GALNT13: variants seen among roughly 807,000 people sequenced by gnomAD.
The protein encoded by GALNT13 is UDP-GalNAc:polypeptide N-acetylgalactosaminyltransferase 13.
In GALNT13, 28 loss-of-function variants were observed where a neutral mutation model predicts 64.2. The observed-to-expected ratio is 0.44, with a 90% CI of 0.32 to 0.60. The LOEUF is 0.60. Ranked by LOEUF, GALNT13 falls within the 20% of genes least tolerant of loss-of-function variation. The probability of loss-of-function intolerance (pLI) is 0.05; values close to 1 mark genes in which losing one functional copy is unlikely to be tolerated. For synonymous variants in GALNT13, 214 were observed against 224.6 expected, an observed-to-expected ratio of 0.95 and a Z score of 0.42; for missense variants, 577 against 669.8, an observed-to-expected ratio of 0.86 and a Z score of 1.53.
At chr2:154,126,621 C>T (rs1444504378) in intron 3 of GALNT13, among the ~76,000 whole-genome samples, 2 of 142,324 alleles carry the variant, frequency 1.4e-5, no homozygotes, top group South Asian at 2.2e-4. Flanking sequence ...GACGACAGAG[C>T]GAGACTCCGT....
intron 4 of GALNT13, among the ~76,000 whole-genome samples, chr2:154,166,686 A>G (rs946678950): frequency 6.6e-6 from 1 of 152,242 alleles, no homozygotes; most frequent in African/African-American, 2.4e-5. Flanking sequence ...ACATATGTTT[A>G]TTGTGGCACT....
At chr2:153,884,228 G>A (rs949992286) in intron 1 of GALNT13, among the ~76,000 whole-genome samples, 3 of 152,040 alleles carry the variant, frequency 2.0e-5, no homozygotes, top group South Asian at 4.2e-4. Flanking sequence ...CTTAGATAAT[G>A]GCTAAACTAC....
chr2:154,185,434 C>G lies in GALNT13; in HGVS notation c.311+44929C>G, dbSNP rs74724461. 5.2e-3 allele frequency among the ~76,000 whole-genome samples: 785 copies of G among 152,008 alleles called. 5 individuals are homozygous for G. The highest frequency in any genetic ancestry group is 0.021 in the Middle Eastern group (6 of 292). ...TTTTGTCATGAATTATTTAAATAAG[C>G]TTTCTACACCTTTCTCTTTCTCTAT... On this transcript the variant is annotated intron_variant, in intron 4 of 12. Coordinates refer to ENST00000392825, the MANE Select transcript of GALNT13 (RefSeq NM_052917.4).
At chr2:153,713,281 T>G in the GALNT13 span, among the ~76,000 whole-genome samples, 2 of 152,212 alleles carry the variant, frequency 1.3e-5, no homozygotes, top group African/African-American at 4.8e-5. Flanking sequence ...CCCTTATTCA[T>G]TTCTCCTGGA....
chr2:153,264,162 A>G, the GALNT13 span, among the ~76,000 whole-genome samples: 2 of 152,230 alleles, frequency 1.3e-5, no homozygotes, highest in African/African-American at 2.4e-5. Flanking sequence ...AAGAAGACAT[A>G]CAAGTGGACA....
intron 2 of GALNT13, among the ~76,000 whole-genome samples, chr2:153,925,030 C>A (rs1393216935): frequency 2.0e-5 from 3 of 152,014 alleles, no homozygotes; most frequent in Non-Finnish European, 4.4e-5. Flanking sequence ...TTGATAATTT[C>A]TTTGCTGTGC....
chr2:153,299,945 CCCGTGGTG>C, the GALNT13 span, among the ~76,000 whole-genome samples: 2 of 152,162 alleles, frequency 1.3e-5, no homozygotes, highest in African/African-American at 4.8e-5. Context: ...CTAACATCAT[CCCGTGGTG>C]CCGAGTACAG....
At chr2:154,420,599 A>G (rs1316126521) in intron 11 of GALNT13, among the ~76,000 whole-genome samples, 1 of 152,128 alleles carries the variant, frequency 6.6e-6, no homozygotes, top group Non-Finnish European at 1.5e-5. Flanking sequence ...ATTTGAATGC[A>G]TGAGTCTACT....
chr2:153,520,612 G>A, the GALNT13 span, among the ~76,000 whole-genome samples: 6 of 152,026 alleles, frequency 3.9e-5, no homozygotes, highest in East Asian at 1.9e-4. Flanking sequence ...CTTAATGCTC[G>A]AAAAATAAAA....
chr2:153,800,647 G>T, the GALNT13 span, among the ~76,000 whole-genome samples: 1 of 152,114 alleles, frequency 6.6e-6, no homozygotes, highest in Non-Finnish European at 1.5e-5. Context: ...TTTCAACGAC[G>T]TTCACAAGCA....
At chr2:154,416,192 A>G (rs1421246072) in intron 11 of GALNT13, among the ~76,000 whole-genome samples, 1 of 152,152 alleles carries the variant, frequency 6.6e-6, no homozygotes. Flanking sequence ...TTGCTATAAT[A>G]AACATACAAT....
At chr2:154,233,530 A>G (rs1689038843) in intron 4 of GALNT13, among the ~76,000 whole-genome samples, 1 of 152,176 alleles carries the variant, frequency 6.6e-6, no homozygotes. Flanking sequence ...GTTGTTTATG[A>G]CTTTTAAGCC....
chr2:153,694,369 T>A, the GALNT13 span, among the ~76,000 whole-genome samples: 1 of 152,168 alleles, frequency 6.6e-6, no homozygotes, highest in African/African-American at 2.4e-5. Flanking sequence ...GAATTTCCAA[T>A]GATCAATTGA....
the GALNT13 span, among the ~76,000 whole-genome samples, chr2:153,205,674 C>A: frequency 6.6e-6 from 1 of 152,112 alleles, no homozygotes; most frequent in Non-Finnish European, 1.5e-5. Context: ...ATAAGCCTTG[C>A]TGAGCACTTT....
the GALNT13 span, among the ~76,000 whole-genome samples, chr2:153,701,645 A>G: frequency 6.6e-6 from 1 of 152,214 alleles, no homozygotes; most frequent in Non-Finnish European, 1.5e-5. Flanking sequence ...AGAAAAGAAC[A>G]AACAATCCCA....
At chr2:153,750,902 G>C in the GALNT13 span, among the ~76,000 whole-genome samples, 1 of 151,514 alleles carries the variant, frequency 6.6e-6, no homozygotes, top group South Asian at 2.1e-4. Flanking sequence ...TTTAGAATTA[G>C]GTGTTTTTTG....
intron 3 of GALNT13, among the ~76,000 whole-genome samples, chr2:154,087,221 G>A (rs575166964): frequency 8.2e-4 from 125 of 151,654 alleles, no homozygotes; most frequent in Admixed American, 3.8e-3. Context: ...CAGACTCTTA[G>A]GCCAATTTTT....
At chr2:153,701,976 C>G in the GALNT13 span, among the ~76,000 whole-genome samples, 1 of 152,128 alleles carries the variant, frequency 6.6e-6, no homozygotes, top group Admixed American at 6.5e-5. Context: ...AATCCCATTA[C>G]TGGGTATATA....
the GALNT13 span, among the ~76,000 whole-genome samples, chr2:153,422,730 GA>G: frequency 1.4e-4 from 21 of 151,516 alleles, no homozygotes; most frequent in Non-Finnish European, 2.4e-4. Context: ...TATTTTTTAA[GA>G]AAAAAATACA....
Sources: allele counts gnomAD v4.1 joint callset (sites outside exome capture counted in the v4.1 genomes callset), GRCh38; gene constraint gnomAD v4.1.1; transcripts MANE v1.5; gene names NCBI Gene and HGNC (gene_info 2026-07-23, HGNC 2026-07-21).